The following ZNF280B variants were observed in gnomAD, a reference collection of about 807,000 sequenced individuals.
ZNF280B encodes suppressor of hairy wing homolog 2.
In ZNF280B, 16 loss-of-function variants were observed where a neutral mutation model predicts 38.0. The observed-to-expected ratio is 0.42, with a 90% CI of 0.28 to 0.64. The LOEUF (loss-of-function observed/expected upper bound fraction) is 0.64. ZNF280B is among the 30% of genes least tolerant of loss of function. The pLI is 0.21. For synonymous variants in ZNF280B, 253 were observed against 230.6 expected (o/e 1.10, Z -0.88); for missense variants, 581 against 639.6 (o/e 0.91, Z 0.99).
At chr22:22,503,386 G>A (rs2061865597) in intron 2 of ZNF280B, among the ~76,000 whole-genome samples, 1 of 151,918 alleles carries the variant, frequency 6.6e-6, no homozygotes, top group African/African-American at 2.4e-5. Context: ...TATGGCATAT[G>A]AACTATATTT....
chr22:22,506,428 T>C (rs1278636668), intron 2 of ZNF280B, among the ~76,000 whole-genome samples: 1 of 151,426 alleles, frequency 6.6e-6, no homozygotes, highest in East Asian at 2.0e-4. Flanking sequence ...TGCCAATAGA[T>C]CAAATAAAAT....
intron 3 of ZNF280B, among the ~76,000 whole-genome samples, chr22:22,491,549 C>T (rs1476112998): frequency 6.6e-6 from 1 of 150,976 alleles, no homozygotes; most frequent in Non-Finnish European, 1.5e-5. Flanking sequence ...ACCTCTGCCT[C>T]CCGGGTTCAA....
chr22:22,501,347 T>C (rs2061820858), intron 2 of ZNF280B, among the ~76,000 whole-genome samples: 1 of 151,674 alleles, frequency 6.6e-6, no homozygotes, highest in South Asian at 2.1e-4. Context: ...GGAGAATCAC[T>C]TACAGTCAGG....
At chr22:22,495,655 T>C (rs946824568) in intron 2 of ZNF280B, among the ~76,000 whole-genome samples, 1 of 151,862 alleles carries the variant, frequency 6.6e-6, no homozygotes, top group Non-Finnish European at 1.5e-5. Flanking sequence ...GTCAGAGAGG[T>C]AGCAAGAGTG....
At chr22:22,504,426 G>GGA (rs1569185824) in intron 2 of ZNF280B, among the ~76,000 whole-genome samples, 2 of 121,242 alleles carry the variant, frequency 1.6e-5, no homozygotes, top group African/African-American at 3.0e-5. Context: ...GACTCCGTCT[G>GGA]AAAAAAAAAA....
In ZNF280B at chr22:22,485,342, T is replaced by C. The variant is rs2146740838; in HGVS notation, c.*2425A>G. On this transcript the variant is annotated 3_prime_UTR_variant, in exon 4 of 4. Coordinates refer to ENST00000626650, the MANE Select transcript of ZNF280B (RefSeq NM_080764.4). Reference sequence around the variant, plus strand: ...AGTCTGTAGATCTATTTATACACAGTGGGAGTATCTACCTGAGACAAGAAA... The same window carrying C: ...AGTCTGTAGATCTATTTATACACAGCGGGAGTATCTACCTGAGACAAGAAA... 1 of 152,010 alleles carries C rather than the reference T, an allele frequency of 6.6e-6. No homozygotes were observed. Among genetic ancestry groups the C allele is most frequent in the South Asian group, 2.1e-4 (1 of 4,812 alleles). 9.4% of individuals were successfully genotyped at this position (152,010 alleles called of 1,614,324 possible). A position where few individuals can be genotyped will look rare whatever the true frequency, so the allele number is the denominator to read the frequency against.
Position 22,498,793 on chromosome 22 carries a change from C to CTTTTTTTTTT in ZNF280B, c.-186-4623_-186-4614dup, listed in dbSNP as rs60940298. On this transcript the variant is annotated intron_variant, in intron 2 of 3. Coordinates refer to ENST00000626650, the MANE Select transcript of ZNF280B (RefSeq NM_080764.4). Reference sequence around the variant, plus strand: ...AAAAAGAAAACTACAGGCCAATATCCTTTTTTTTTTTTTTTTTTTTTGGAG... The same window carrying CTTTTTTTTTT: ...AAAAAGAAAACTACAGGCCAATATCCTTTTTTTTTTTTTTTTTTTTTTTTTTTTTTTGGAG... 1.4e-3 allele frequency among the ~76,000 whole-genome samples: 120 copies of CTTTTTTTTTT among 83,652 alleles called. 4 individuals are homozygous for CTTTTTTTTTT. The highest frequency in any genetic ancestry group is 2.1e-3 in the South Asian group (4 of 1,908). The allele number at this position is 83,652 out of a possible 152,430, so 54.9% of individuals were successfully genotyped here. A position where few individuals can be genotyped will look rare whatever the true frequency, so the allele number is the denominator to read the frequency against.
At chr22:22,500,486 T>C (rs2146830215) in intron 2 of ZNF280B, among the ~76,000 whole-genome samples, 1 of 151,830 alleles carries the variant, frequency 6.6e-6, no homozygotes, top group African/African-American at 2.4e-5. Flanking sequence ...AATAAACCAG[T>C]CACAAAAAGA....
intron 2 of ZNF280B, among the ~76,000 whole-genome samples, chr22:22,504,060 TGAAGG>T (rs1441504174): frequency 1.3e-5 from 2 of 152,004 alleles, no homozygotes; most frequent in African/African-American, 2.4e-5. Context: ...ATTTACACAC[TGAAGG>T]GAAAGAACAA....
At chr22:22,495,602 A>C (rs983074586) in intron 2 of ZNF280B, among the ~76,000 whole-genome samples, 3 of 151,982 alleles carry the variant, frequency 2.0e-5, no homozygotes, top group African/African-American at 7.2e-5. Flanking sequence ...AGTAAGTCTC[A>C]TGGAGAAGGT....
At chr22:22,505,299 C>G (rs183067175) in intron 2 of ZNF280B, among the ~76,000 whole-genome samples, 9 of 152,078 alleles carry the variant, frequency 5.9e-5, no homozygotes, top group Non-Finnish European at 8.8e-5. Flanking sequence ...GGTGTGGTGG[C>G]TCACATCTGT....
chr22:22,493,155 T>C (rs1246930510), intron 3 of ZNF280B, among the ~76,000 whole-genome samples: 1 of 151,612 alleles, frequency 6.6e-6, no homozygotes, highest in Non-Finnish European at 1.5e-5. Context: ...GGATTACAGG[T>C]GCGCCACCAC....
intron 2 of ZNF280B, among the ~76,000 whole-genome samples, chr22:22,501,035 A>AAAAC (rs1555945063): frequency 6.4e-5 from 9 of 140,372 alleles, no homozygotes; most frequent in South Asian, 2.3e-4. Flanking sequence ...AAAAAAAAAA[A>AAAAC]AAAAAACAAA....
rs71199481 is a variant in ZNF280B, at chr22:22,487,447, T to TAAAAAAAAAAAAAAAAAAAAAAAAAAA, written c.*293_*319dup. The TAAAAAAAAAAAAAAAAAAAAAAAAAAA allele has an allele frequency of 1.5e-5, 1 of 66,772 alleles. No individual in the cohort carries two copies. The highest frequency in any genetic ancestry group is 4.9e-5 in the African/African-American group (1 of 20,462). The allele number at this position is 66,772 out of a possible 1,614,324, so 4.1% of individuals were successfully genotyped here. A position where few individuals can be genotyped will look rare whatever the true frequency, so the allele number is the denominator to read the frequency against. ...TAACAGTGAGACCCTGTCTCTAAAGTAAAAAAAAAAAAAAAAAAAAAAAAA... is the reference window on the plus strand; with the variant it reads ...TAACAGTGAGACCCTGTCTCTAAAGTAAAAAAAAAAAAAAAAAAAAAAAAAAAAAAAAAAAAAAAAAAAAAAAAAAAA... On this transcript the variant is annotated 3_prime_UTR_variant, in exon 4 of 4. Coordinates refer to ENST00000626650, the MANE Select transcript of ZNF280B (RefSeq NM_080764.4).
chr22:22,491,832 C>T (rs543771029), intron 3 of ZNF280B, among the ~76,000 whole-genome samples: 1 of 151,918 alleles, frequency 6.6e-6, no homozygotes, highest in South Asian at 2.1e-4. Flanking sequence ...ATCACTAGGT[C>T]ACTACTAGTT....
At position 22,488,279 on chromosome 22, in the gene ZNF280B, C is replaced by T; in HGVS notation, c.1120G>A (p.Val374Ile). 3 of 1,613,852 alleles carry T rather than the reference C, an allele frequency of 1.9e-6. No individual in the cohort carries two copies. Among genetic ancestry groups the T allele is most frequent in the Non-Finnish European group, 2.5e-6 (3 of 1,179,974 alleles). Residue 374 changes from valine to isoleucine, a missense_variant, in exon 4 of 4, where the codon GTC (valine) becomes ATC (isoleucine). Val to Ile is a conservative substitution (Grantham distance 29). Coordinates refer to ENST00000626650, the MANE Select transcript of ZNF280B (RefSeq NM_080764.4). Reference protein sequence around the residue: ...NVHTAQEPSTVCKICELSFET... With the variant: ...NVHTAQEPSTICKICELSFET... ...AATGACAATTCACAGATTTTACAGA[C>T]AGTAGAGGGCTCCTGGGCAGTGTGG...
intron 2 of ZNF280B, among the ~76,000 whole-genome samples, chr22:22,494,979 G>A (rs918535453): frequency 6.6e-6 from 1 of 151,904 alleles, no homozygotes; most frequent in African/African-American, 2.4e-5. Context: ...GCCTGCGTCG[G>A]CCTCCCAAAG....
chr22:22,488,526 T>G lies in ZNF280B; in HGVS notation c.873A>C (p.Gly291=). The change falls in exon 4 of 4, where the codon GGA becomes GGC. Residue 291 remains glycine, a synonymous_variant. Coordinates refer to ENST00000626650, the MANE Select transcript of ZNF280B (RefSeq NM_080764.4). ...CCGGCTGCCCTTCTCCTTTATGCTGTCCATAGTAAAAGTCACTAAGTAACA... is the reference window on the plus strand; with the variant it reads ...CCGGCTGCCCTTCTCCTTTATGCTGGCCATAGTAAAAGTCACTAAGTAACA... The part of the protein sequence containing the change: ...PIVLLSDFYY[G]QHKGEGQPEQ... 6.2e-7 allele frequency: 1 copy of G among 1,613,972 alleles called. No homozygotes were observed. Among genetic ancestry groups the G allele is most frequent in the Non-Finnish European group, 8.5e-7 (1 of 1,179,990 alleles).
At chr22:22,491,917 A>C (rs1048120291) in intron 3 of ZNF280B, among the ~76,000 whole-genome samples, 6 of 151,996 alleles carry the variant, frequency 3.9e-5, no homozygotes, top group Admixed American at 1.3e-4. Context: ...AATTTCTAAA[A>C]ACATATCAAG....
Sources: allele counts gnomAD v4.1 joint callset (sites outside exome capture counted in the v4.1 genomes callset), GRCh38; gene constraint gnomAD v4.1.1; transcripts MANE v1.5; gene names NCBI Gene and HGNC (gene_info 2026-07-23, HGNC 2026-07-21).